FBLN1: variants seen among roughly 807,000 people sequenced by gnomAD.
FBLN1 encodes fibulin 1, also known as fibulin-1.
In FBLN1, 34 loss-of-function variants were observed where a neutral mutation model predicts 89.7. The ratio of observed to expected loss-of-function variants is 0.38; its 90% confidence interval spans 0.29 to 0.50. The LOEUF (loss-of-function observed/expected upper bound fraction) is 0.50, where lower values mean the gene tolerates loss of function less well. Among genes scored for constraint, FBLN1 ranks in the 20% least tolerant of loss-of-function variants. The probability of loss-of-function intolerance (pLI) is 0.92; values close to 1 mark genes in which losing one functional copy is unlikely to be tolerated. For synonymous variants in FBLN1, 393 were observed against 391.3 expected, an observed-to-expected ratio of 1.00 and a Z score of -0.05; for missense variants, 777 against 988.1, an observed-to-expected ratio of 0.79 and a Z score of 2.86.
chr22:45,586,293 C>G (rs948431081), intron 16 of FBLN1, among the ~76,000 whole-genome samples: 1 of 152,222 alleles, frequency 6.6e-6, no homozygotes, highest in Non-Finnish European at 1.5e-5. Flanking sequence ...GGGTACAGCC[C>G]GCTCAGCACC....
At chr22:45,600,038 T>G (rs1228048479) in intron 16 of FBLN1, among the ~76,000 whole-genome samples, 1 of 152,196 alleles carries the variant, frequency 6.6e-6, no homozygotes, top group Non-Finnish European at 1.5e-5. Context: ...CCCACAACTT[T>G]CCTCCAGGTT....
rs1402140320 is a variant in FBLN1 at position 45,562,928 on chromosome 22, C to T, written c.1698-11583C>T. The T allele has an allele frequency of 1.1e-5, 17 of 1,613,894 alleles. No individual in the cohort carries two copies. Among genetic ancestry groups the T allele is most frequent in the Non-Finnish European group, 1.4e-5 (17 of 1,180,014 alleles). ...TTCTTGCAGCCGCTGTGAGCGCTTG[C>T]CTTGCCATGAGAATCGGGAGTGCTC... On this transcript the variant is annotated intron_variant, in intron 14 of 16. Transcript: ENST00000327858. The surrounding 1 kb of genome is among the most constrained non-coding windows in gnomAD (Gnocchi z 7.8).
At position 45,583,462 on chromosome 22, in the gene FBLN1, G is replaced by A. The variant is rs958891977; in HGVS notation, c.1972+6354G>A. On this transcript the variant is annotated intron_variant, in intron 16 of 16. Coordinates refer to ENST00000327858, the MANE Select transcript of FBLN1 (RefSeq NM_006486.3). This position sits in a 1 kb window ranked among gnomAD's most constrained non-coding sequence, Gnocchi z 4.5. ...ATTGGAGACTCTGCATCTCATTAATGGAATCAGATGAAACGATGTATGTGA... is the reference window on the plus strand; with the variant it reads ...ATTGGAGACTCTGCATCTCATTAATAGAATCAGATGAAACGATGTATGTGA... 1.3e-5 allele frequency among the ~76,000 whole-genome samples: 2 copies of A among 152,210 alleles called. No homozygotes were observed. The highest frequency in any genetic ancestry group is 4.8e-5 in the African/African-American group (2 of 41,462).
At chr22:45,552,056 G>C (rs1300398926) in intron 14 of FBLN1, among the ~76,000 whole-genome samples, 1 of 152,254 alleles carries the variant, frequency 6.6e-6, no homozygotes, top group African/African-American at 2.4e-5. Flanking sequence ...CATGTTGGCT[G>C]TGGAAGCCTC....
intron 14 of FBLN1, among the ~76,000 whole-genome samples, chr22:45,571,389 A>G (rs764429909): frequency 6.6e-6 from 1 of 152,248 alleles, no homozygotes; most frequent in Non-Finnish European, 1.5e-5. Flanking sequence ...GTTACTTCTA[A>G]AACTACAACT....
Position 45,562,046 on chromosome 22 carries a change from C to T in FBLN1, c.1697+11431C>T, listed in dbSNP as rs1216892571. On this transcript the variant is annotated intron_variant, in intron 14 of 16. Coordinates refer to ENST00000327858, the MANE Select transcript of FBLN1 (RefSeq NM_006486.3). This position sits in a 1 kb window ranked among gnomAD's most constrained non-coding sequence, Gnocchi z 7.8. ...CTCAAATGTGACTCTCTTTTGGCAACACCCTCACAGACACACCCAGGATCA... is the reference window on the plus strand; with the variant it reads ...CTCAAATGTGACTCTCTTTTGGCAATACCCTCACAGACACACCCAGGATCA... 1.3e-5 allele frequency among the ~76,000 whole-genome samples: 2 copies of T among 152,188 alleles called. No individual in the cohort carries two copies. The highest frequency in any genetic ancestry group is 2.9e-5 in the Non-Finnish European group (2 of 68,024).
rs1480001735 is a variant in FBLN1 at position 45,578,852 on chromosome 22, C to T, written c.1972+1744C>T. On this transcript the variant is annotated intron_variant, in intron 16 of 16. Transcript: ENST00000327858. This position sits in a 1 kb window ranked among gnomAD's most constrained non-coding sequence, Gnocchi z 4.6. ...TTCCGTTTCTGAACCCTTCTTGAGC[C>T]TCTACCTGTGCCTGACCCTGGGCTA... 6.6e-6 allele frequency among the ~76,000 whole-genome samples: 1 copy of T among 152,254 alleles called. No homozygotes were observed. The highest frequency in any genetic ancestry group is 2.4e-5 in the African/African-American group (1 of 41,470).
Position 45,537,178 on chromosome 22 carries a change from C to A in FBLN1, c.922+1841C>A, listed in dbSNP as rs921451917. Among the ~76,000 whole-genome samples, 3 of 152,208 alleles carry A rather than the reference C, an allele frequency of 2.0e-5. No homozygotes were observed. The highest frequency in any genetic ancestry group is 2.9e-5 in the Non-Finnish European group (2 of 68,026). On this transcript the variant is annotated intron_variant, in intron 8 of 16. Coordinates refer to ENST00000327858, the MANE Select transcript of FBLN1 (RefSeq NM_006486.3). The surrounding 1 kb of genome is among the most constrained non-coding windows in gnomAD (Gnocchi z 5.7). ...GGGTGGCCCCATCACCTCTCCCCTG[C>A]CATGAGCAAGGGGGTATACATTTCC...
intron 8 of FBLN1, among the ~76,000 whole-genome samples, chr22:45,539,479 G>C (rs1048031944): frequency 1.3e-5 from 2 of 152,106 alleles, no homozygotes; most frequent in African/African-American, 2.4e-5. Context: ...GATTGCAGGC[G>C]TGAGCCACCA....
At chr22:45,533,975 G>A (rs895884307) in intron 7 of FBLN1, 77 bp downstream of exon 7, 1 of 1,594,784 alleles carries the variant, frequency 6.3e-7, no homozygotes, top group South Asian at 1.1e-5. Flanking sequence ...CAGCTCTGGG[G>A]TCTGGGCTCC....
chr22:45,516,109 G>T (rs1447794944), intron 1 of FBLN1, among the ~76,000 whole-genome samples: 1 of 152,192 alleles, frequency 6.6e-6, no homozygotes, highest in African/African-American at 2.4e-5. Flanking sequence ...AGCTATGCAG[G>T]GTGGGCAGGC....
chr22:45,528,854 C>G (rs2088366351), intron 4 of FBLN1, among the ~76,000 whole-genome samples: 2 of 152,216 alleles, frequency 1.3e-5, no homozygotes, highest in Admixed American at 1.3e-4. Flanking sequence ...AGCCGCTGTC[C>G]TGGAGTGACG....
At position 45,568,628 on chromosome 22, in the gene FBLN1, A is replaced by G. The variant is rs74345044; in HGVS notation, c.1698-5883A>G. 5.7e-3 allele frequency among the ~76,000 whole-genome samples: 366 copies of G among 64,126 alleles called. 76 individuals carry two copies. The highest frequency in any genetic ancestry group is 0.031 in the African/African-American group (334 of 10,932). The allele number at this position is 64,126 out of a possible 152,430, so 42.1% of individuals were successfully genotyped here. A position where few individuals can be genotyped will look rare whatever the true frequency, so the allele number is the denominator to read the frequency against. ...TCTGTAAGGGAATGCTCCTCCTGTA[A>G]GGGAATGCCTCTTCTGTGGGAGAAT... On this transcript the variant is annotated intron_variant, in intron 14 of 16. Coordinates refer to ENST00000327858, the MANE Select transcript of FBLN1 (RefSeq NM_006486.3).
At chr22:45,565,114 C>T (rs1283633185) in intron 14 of FBLN1, 3 of 1,589,668 alleles carry the variant, frequency 1.9e-6, no homozygotes, top group South Asian at 1.1e-5. Flanking sequence ...GGCCCTCTCT[C>T]TGATCATGCC....
In FBLN1 at chr22:45,553,095, G is replaced by C. The variant is rs73442936; in HGVS notation, c.1697+2480G>C. On this transcript the variant is annotated intron_variant, in intron 14 of 16. Coordinates refer to ENST00000327858, the MANE Select transcript of FBLN1 (RefSeq NM_006486.3). ...GGCCCCCCTGCCTTGGCCAGTTCCT[G>C]GGGCTTGTCTCCCGGACGACGAGCG... Among the ~76,000 whole-genome samples, 1,420 of 152,336 alleles carry C rather than the reference G, an allele frequency of 9.3e-3. 24 individuals are homozygous for C. The highest frequency in any genetic ancestry group is 0.033 in the African/African-American group (1,352 of 41,572).
chr22:45,522,762 C>T (rs1369161227), intron 2 of FBLN1, among the ~76,000 whole-genome samples: 1 of 152,222 alleles, frequency 6.6e-6, no homozygotes, highest in African/African-American at 2.4e-5. Flanking sequence ...TGTCCTTCAG[C>T]GTCTTTTGGA....
rs1307789906 is a variant in FBLN1, at chr22:45,574,868, A to G, written c.1840+215A>G. ...GCCATCTCGGCTCACTGCAAGCTCC[A>G]CCTCCCGGGTTCACGCCATTCTCCT... On this transcript the variant is annotated intron_variant, in intron 15 of 16. Transcript: ENST00000327858. This position sits in a 1 kb window ranked among gnomAD's most constrained non-coding sequence, Gnocchi z 4.1. 3.9e-5 allele frequency among the ~76,000 whole-genome samples: 5 copies of G among 127,488 alleles called. No individual in the cohort carries two copies. Among genetic ancestry groups the G allele is most frequent in the African/African-American group, 1.2e-4 (4 of 32,408 alleles). The allele number at this position is 127,488 out of a possible 152,430, so 83.6% of individuals were successfully genotyped here.
intron 2 of FBLN1, among the ~76,000 whole-genome samples, chr22:45,520,787 C>G (rs1463533540): frequency 2.0e-5 from 3 of 152,098 alleles, no homozygotes; most frequent in African/African-American, 7.2e-5. Flanking sequence ...CTTCTACTCA[C>G]TAATGTCTTT....
intron 14 of FBLN1, among the ~76,000 whole-genome samples, chr22:45,553,978 GGTGTGTGTGCGTGTGCGCGTGCTT>G (rs1011327917): frequency 9.9e-5 from 15 of 152,228 alleles, no homozygotes; most frequent in South Asian, 4.1e-4. Flanking sequence ...TGAAGTTGCT[GGTGTGTGTGCGTGTGCGCGTGCTT>G]GTGTGTGTGC....
Sources: allele counts gnomAD v4.1 joint callset (sites outside exome capture counted in the v4.1 genomes callset), GRCh38; gene constraint gnomAD v4.1.1; non-coding constraint Gnocchi (gnomAD v3.1); transcripts MANE v1.5; gene names NCBI Gene and HGNC (gene_info 2026-07-23, HGNC 2026-07-21).